VTI1A: variants seen among roughly 807,000 people sequenced by gnomAD.
VTI1A encodes the protein vesicle transport through interaction with t-SNAREs 1A.
In VTI1A, 22 loss-of-function variants were observed where a neutral mutation model predicts 34.9. The observed-to-expected ratio is 0.63, with a 90% confidence interval of 0.45 to 0.90. The LOEUF is 0.90. Among genes scored for constraint, VTI1A ranks in the 40% least tolerant of loss-of-function variants. The pLI, the probability that VTI1A is intolerant of heterozygous loss-of-function variation, is 0.00. For synonymous variants in VTI1A, 87 were observed against 97.3 expected, an observed-to-expected ratio of 0.89 and a Z score of 0.62; for missense variants, 268 against 275.6, an observed-to-expected ratio of 0.97 and a Z score of 0.20.
intron 4 of VTI1A, among the ~76,000 whole-genome samples, chr10:112,537,311 GTATA>G (rs10682533): frequency 0.016 from 1,030 of 65,268 alleles, 77 homozygotes; most frequent in African/African-American, 0.035. Context: ...AAGTATCTAG[GTATA>G]TATATATATA....
At chr10:112,763,723 A>G (rs115594071) in intron 7 of VTI1A, among the ~76,000 whole-genome samples, 2,685 of 152,182 alleles carry the variant, frequency 0.018, 42 homozygotes, top group Admixed American at 0.035. Flanking sequence ...TTTGGGACCT[A>G]TTTTATCCTT....
chr10:112,826,200 C>T, the VTI1A span: 1 of 152,172 alleles, frequency 6.6e-6, no homozygotes, highest in African/African-American at 2.4e-5. Flanking sequence ...CTCCTGCTCA[C>T]GGGCACGTTA....
chr10:112,663,781 G>A (rs555152507), intron 5 of VTI1A, among the ~76,000 whole-genome samples: 2 of 152,238 alleles, frequency 1.3e-5, no homozygotes, highest in African/African-American at 4.8e-5. Flanking sequence ...GAAGCAGCAC[G>A]TTTTCTACCT....
At chr10:112,455,176 CT>C (rs1847405182) in intron 1 of VTI1A, among the ~76,000 whole-genome samples, 1 of 2,538 alleles carries the variant, frequency 3.9e-4, no homozygotes. Context: ...CCCTCCTCCC[CT>C]CCCCTCCTCC....
At chr10:112,518,589 C>CTATATATATATA (rs34659243) in intron 3 of VTI1A, among the ~76,000 whole-genome samples, 1 of 94,336 alleles carries the variant, frequency 1.1e-5, no homozygotes, top group African/African-American at 4.2e-5. Flanking sequence ...CTCTCTCTCT[C>CTATATATATATA]TATATATATA....
intron 7 of VTI1A, among the ~76,000 whole-genome samples, chr10:112,757,538 C>T (rs1371892252): frequency 6.9e-6 from 1 of 145,078 alleles, no homozygotes; most frequent in African/African-American, 2.5e-5. Flanking sequence ...GCACGGGCCA[C>T]CACGCCAGAC....
intron 7 of VTI1A, among the ~76,000 whole-genome samples, chr10:112,756,994 C>T (rs1317957086): frequency 1.3e-5 from 2 of 150,002 alleles, no homozygotes; most frequent in Non-Finnish European, 3.0e-5. Context: ...TGCAGTGAGC[C>T]GAAATTGCGC....
Position 112,817,618 on chromosome 10 carries a change from GTTCCCTCAA to G in VTI1A, c.*2236_*2244del. On this transcript the variant is annotated 3_prime_UTR_variant, in exon 8 of 8. Coordinates refer to ENST00000393077, the MANE Select transcript of VTI1A (RefSeq NM_145206.4). ...GCTTTGTGAGGAAGCTGGTCAGAAG[GTTCCCTCAA>G]CTCCTTCCTGGTCCTCCTGGACACT... The G allele has an allele frequency of 4.4e-6, 1 of 229,076 alleles. No homozygotes were observed. The highest frequency in any genetic ancestry group is 6.2e-5 in the East Asian group (1 of 16,056). The allele number at this position is 229,076 out of a possible 1,614,324, so 14.2% of individuals were successfully genotyped here.
chr10:112,609,866 C>T (rs1845225933), intron 5 of VTI1A, among the ~76,000 whole-genome samples: 1 of 152,056 alleles, frequency 6.6e-6, no homozygotes, highest in South Asian at 2.1e-4. Context: ...CTCCATGGCC[C>T]TTAGGCAAAT....
At chr10:112,614,732 G>A (rs1334493537) in intron 5 of VTI1A, among the ~76,000 whole-genome samples, 9 of 152,102 alleles carry the variant, frequency 5.9e-5, no homozygotes. Context: ...TGGGCCTGGT[G>A]AGTTTGTGAA....
At chr10:112,610,865 G>C (rs1474325408) in intron 5 of VTI1A, among the ~76,000 whole-genome samples, 1 of 152,060 alleles carries the variant, frequency 6.6e-6, no homozygotes, top group Admixed American at 6.5e-5. Flanking sequence ...CTTGCAGTGA[G>C]CTGAGATCGC....
At chr10:112,542,306 G>C (rs1162887868) in intron 5 of VTI1A, among the ~76,000 whole-genome samples, 4 of 152,184 alleles carry the variant, frequency 2.6e-5, no homozygotes, top group Non-Finnish European at 4.4e-5. Context: ...CACCGGTACT[G>C]TAGATGGGCC....
intron 4 of VTI1A, among the ~76,000 whole-genome samples, chr10:112,537,737 A>G (rs1850701663): frequency 6.6e-6 from 1 of 152,186 alleles, no homozygotes; most frequent in Admixed American, 6.5e-5. Context: ...CTGTCTTAGT[A>G]GCATATGCTG....
intron 7 of VTI1A, among the ~76,000 whole-genome samples, chr10:112,808,223 A>G (rs1157258937): frequency 6.6e-6 from 1 of 151,900 alleles, no homozygotes; most frequent in Non-Finnish European, 1.5e-5. Context: ...GTCTCTTAAA[A>G]ATAAAAAATA....
intron 3 of VTI1A, among the ~76,000 whole-genome samples, chr10:112,494,495 C>T (rs1482371122): frequency 6.6e-6 from 1 of 151,826 alleles, no homozygotes; most frequent in African/African-American, 2.4e-5. Flanking sequence ...CTTCCCCTGC[C>T]CTCCTTTCCT....
intron 5 of VTI1A, among the ~76,000 whole-genome samples, chr10:112,628,046 G>A (rs938519175): frequency 2.6e-5 from 4 of 151,926 alleles, no homozygotes; most frequent in African/African-American, 7.3e-5. Context: ...AAAACCACAC[G>A]TTTTTCTTTT....
chr10:112,492,786 AGC>A, intron 3 of VTI1A, among the ~76,000 whole-genome samples: 1 of 151,750 alleles, frequency 6.6e-6, no homozygotes, highest in Non-Finnish European at 1.5e-5. Flanking sequence ...AAAAAAAAAA[AGC>A]AAAAAAAAAA....
At chr10:112,826,678 A>G in the VTI1A span, 1 of 152,192 alleles carries the variant, frequency 6.6e-6, no homozygotes, top group African/African-American at 2.4e-5. Flanking sequence ...ATTTAGAGAC[A>G]TCCTCCTTTT....
chr10:112,566,317 C>T (rs1851901879), intron 5 of VTI1A, among the ~76,000 whole-genome samples: 1 of 151,988 alleles, frequency 6.6e-6, no homozygotes, highest in Non-Finnish European at 1.5e-5. Flanking sequence ...CCTTTTAATT[C>T]AATAAAATGT....
Sources: gnomAD v4.1 joint callset for allele counts (sites outside exome capture counted in the v4.1 genomes callset) on GRCh38, gnomAD v4.1.1 for gene constraint, MANE v1.5 for transcripts, NCBI Gene and HGNC (gene_info 2026-07-23, HGNC 2026-07-21) for gene names.